The following GLIS3 variants were observed in gnomAD, a reference collection of about 807,000 sequenced individuals.
GLIS3 encodes zinc finger protein GLIS3.
A neutral mutation model predicts 78.6 loss-of-function variants in GLIS3; 53 were observed. That is an observed-to-expected ratio of 0.67 (90% CI 0.54 to 0.85). GLIS3 has a LOEUF of 0.85. Ranked by LOEUF, GLIS3 falls within the 40% of genes least tolerant of loss-of-function variation. The pLI, the probability that GLIS3 is intolerant of heterozygous loss-of-function variation, is 0.00. For synonymous variants in GLIS3, 684 were observed against 509.9 expected (o/e 1.34, Z -4.60); for missense variants, 1,703 against 1,231.1 (o/e 1.38, Z -5.74).
intron 8 of GLIS3, among the ~76,000 whole-genome samples, chr9:3,872,091 A>G (rs1821005998): frequency 6.6e-6 from 1 of 152,226 alleles, no homozygotes; most frequent in Non-Finnish European, 1.5e-5. Flanking sequence ...AAATGCCACC[A>G]CTACCTTTGC....
chr9:4,184,725 C>G (rs1041744371), intron 2 of GLIS3, among the ~76,000 whole-genome samples: 6 of 152,172 alleles, frequency 3.9e-5, no homozygotes, highest in Non-Finnish European at 7.3e-5. Context: ...TGTGTGGATG[C>G]TAACTCTCCC....
chr9:4,343,426 G>C (rs753030645), intron 2 of GLIS3, among the ~76,000 whole-genome samples: 1 of 152,196 alleles, frequency 6.6e-6, no homozygotes, highest in Non-Finnish European at 1.5e-5. Flanking sequence ...CATGCTGCGA[G>C]AGTTGTGGAG....
chr9:4,215,556 T>C lies in GLIS3; in HGVS notation c.388+70482A>G, dbSNP rs183565423. Among the ~76,000 whole-genome samples the C allele has an allele frequency of 7.2e-5, 11 of 152,286 alleles. No homozygotes were observed. The East Asian group carries it at 1.9e-3, about 27-fold the overall frequency. ...ATTTCCCAATGCTCTGCTTTCATTT[T>C]CCAAATGTCCATCAAAAAACCCTGG... On this transcript the variant is annotated intron_variant, in intron 2 of 10. Transcript: ENST00000381971.
the GLIS3 span, among the ~76,000 whole-genome samples, chr9:4,380,626 A>T: frequency 3.9e-5 from 6 of 152,370 alleles, no homozygotes; most frequent in South Asian, 6.2e-4. Flanking sequence ...GTTGGCCAAG[A>T]AATCTGGATA....
In GLIS3 at chr9:3,898,675, C is replaced by G. The variant is rs1823052568; in HGVS notation, c.2128+16G>C. 6.2e-7 allele frequency: 1 copy of G among 1,614,036 alleles called. No individual in the cohort carries two copies. Among genetic ancestry groups the G allele is most frequent in the Non-Finnish European group, 8.5e-7 (1 of 1,179,990 alleles). The stretch of plus-strand genomic sequence containing the variant: ...AAAAGGGTAGTTGTGGTTGGCTCTG[C>G]CTTTGCTGTCTTTACCTGAATAGAG... On this transcript the variant is annotated intron_variant, in intron 7 of 10. Coordinates refer to ENST00000381971, the MANE Select transcript of GLIS3 (RefSeq NM_001042413.2).
intron 3 of GLIS3, chr9:4,309,046 G>C (rs1194291828): frequency 6.6e-6 from 1 of 152,206 alleles, no homozygotes; most frequent in Non-Finnish European, 1.5e-5. Flanking sequence ...TTTGTTAAGT[G>C]CTTAGAACAG....
intron 4 of GLIS3, among the ~76,000 whole-genome samples, chr9:3,981,916 G>A (rs1303753705): frequency 2.0e-5 from 3 of 152,082 alleles, no homozygotes; most frequent in African/African-American, 7.2e-5. Context: ...GAGAGCTTTG[G>A]CAGGCTCTAA....
intron 7 of GLIS3, among the ~76,000 whole-genome samples, chr9:3,881,076 TGCTCAGCTA>T (rs1821697439): frequency 6.6e-6 from 1 of 152,200 alleles, no homozygotes; most frequent in Admixed American, 6.5e-5. Flanking sequence ...ACCTCATTTA[TGCTCAGCTA>T]GCTCAGGGAA....
the GLIS3 span, among the ~76,000 whole-genome samples, chr9:4,401,571 C>CTTTTCTTTTTTTTTTTTTTT: frequency 8.3e-6 from 1 of 120,666 alleles, no homozygotes; most frequent in African/African-American, 3.0e-5. Flanking sequence ...TCCTTTCTTT[C>CTTTTCTTTTTTTTTTTTTTT]TTTTTTTTTT....
At chr9:4,037,671 A>G (rs1360913011) in intron 4 of GLIS3, among the ~76,000 whole-genome samples, 2 of 152,148 alleles carry the variant, frequency 1.3e-5, no homozygotes, top group Non-Finnish European at 2.9e-5. Context: ...TTTCTCAGAA[A>G]CAGAAAAATA....
chr9:4,111,105 A>T (rs1448472359), intron 4 of GLIS3, among the ~76,000 whole-genome samples: 2 of 152,190 alleles, frequency 1.3e-5, no homozygotes, highest in African/African-American at 4.8e-5. Context: ...TATACAAACA[A>T]ATCTCCAAAG....
chr9:4,171,366 A>G (rs978153488), intron 2 of GLIS3, among the ~76,000 whole-genome samples: 19 of 152,226 alleles, frequency 1.2e-4, no homozygotes, highest in African/African-American at 4.3e-4. Context: ...TACTGCTTAG[A>G]GAGAGATTAG....
chr9:4,178,395 T>A (rs965326202), intron 2 of GLIS3, among the ~76,000 whole-genome samples: 2 of 152,098 alleles, frequency 1.3e-5, no homozygotes, highest in Non-Finnish European at 2.9e-5. Flanking sequence ...GAACGGCCTT[T>A]AGGTTGAGTA....
At chr9:4,385,258 A>AT in the GLIS3 span, among the ~76,000 whole-genome samples, 1 of 152,120 alleles carries the variant, frequency 6.6e-6, no homozygotes, top group East Asian at 1.9e-4. Flanking sequence ...AATTTCAAGG[A>AT]TTTTCCCAAC....
At chr9:4,465,412 G>A in the GLIS3 span, among the ~76,000 whole-genome samples, 2 of 152,180 alleles carry the variant, frequency 1.3e-5, no homozygotes, top group African/African-American at 4.8e-5. Context: ...AGCCATGCAT[G>A]GTGACACGCA....
chr9:4,435,689 C>T, the GLIS3 span, among the ~76,000 whole-genome samples: 4 of 152,198 alleles, frequency 2.6e-5, no homozygotes, highest in Non-Finnish European at 4.4e-5. Flanking sequence ...GTGGCTCACG[C>T]CTGTAATCCC....
chr9:4,175,195 T>C (rs1422006998), intron 2 of GLIS3, among the ~76,000 whole-genome samples: 1 of 152,214 alleles, frequency 6.6e-6, no homozygotes, highest in Non-Finnish European at 1.5e-5. Flanking sequence ...TAGAACCTCA[T>C]ACTCTCAGCC....
intron 4 of GLIS3, among the ~76,000 whole-genome samples, chr9:4,099,981 C>T (rs1488047854): frequency 6.6e-6 from 1 of 152,160 alleles, no homozygotes; most frequent in Non-Finnish European, 1.5e-5. Context: ...TCTCAGTTTC[C>T]CAGCCTGTAA....
rs371013726 is a variant in GLIS3 at position 4,197,481 on chromosome 9, C to T, written c.389-71540G>A. Among the ~76,000 whole-genome samples the T allele has an allele frequency of 1.4e-4, 22 of 152,290 alleles. No individual in the cohort carries two copies. In the East Asian group the frequency reaches 2.5e-3, roughly 17 times the overall value. On this transcript the variant is annotated intron_variant, in intron 2 of 10. Coordinates refer to ENST00000381971, the MANE Select transcript of GLIS3 (RefSeq NM_001042413.2). ...CCCCTGCCCCCACCCCCAACTCCAT[C>T]ACCTTGCAGAGAACTTAAGGCCAAG...
Sources: allele counts gnomAD v4.1 joint callset (sites outside exome capture counted in the v4.1 genomes callset), GRCh38; gene constraint gnomAD v4.1.1; transcripts MANE v1.5; gene names NCBI Gene and HGNC (gene_info 2026-07-23, HGNC 2026-07-21).